MEGF6: variants seen among roughly 807,000 people sequenced by gnomAD.
MEGF6 encodes the protein multiple EGF like domains 6.
MEGF6 carries 184 observed loss-of-function variants against 207.1 expected under a neutral mutation model. The observed-to-expected ratio is 0.89, with a 90% CI of 0.79 to 1.00. The LOEUF (loss-of-function observed/expected upper bound fraction) is 1.00. Ranked by LOEUF, MEGF6 falls within the 50% of genes least tolerant of loss-of-function variation. The pLI is 0.00. For synonymous variants in MEGF6, 1,038 were observed against 910.0 expected, an observed-to-expected ratio of 1.14 and a Z score of -2.53; for missense variants, 2,282 against 2,202.9, an observed-to-expected ratio of 1.04 and a Z score of -0.72.
chr1:3,524,326 G>A, intron 4 of MEGF6, 80 bp from the exon 5 acceptor site: 3 of 1,558,868 alleles, frequency 1.9e-6, no homozygotes, highest in Non-Finnish European at 2.6e-6. Context: ...AGGTGCCGGG[G>A]GCCCAGACCC....
At chr1:3,587,254 C>G (rs911665496) in intron 3 of MEGF6, among the ~76,000 whole-genome samples, 6 of 152,252 alleles carry the variant, frequency 3.9e-5, no homozygotes, top group Admixed American at 6.5e-5. Flanking sequence ...GGGCCTTCAG[C>G]TGCTGGAAAG....
At chr1:3,574,706 A>G (rs1005217623) in intron 4 of MEGF6, among the ~76,000 whole-genome samples, 2 of 152,136 alleles carry the variant, frequency 1.3e-5, no homozygotes, top group Non-Finnish European at 2.9e-5. Context: ...CCAGTGGCGC[A>G]ATCTTGGCTC....
rs559305296 is a variant in MEGF6, at chr1:3,496,055, C to A, written c.3743-37G>T. The A allele has an allele frequency of 2.0e-6, 3 of 1,480,330 alleles. No individual in the cohort carries two copies. The South Asian group carries it at 4.1e-5, about 20-fold the overall frequency. The allele number at this position is 1,480,330 out of a possible 1,614,324, so 91.7% of individuals were successfully genotyped here. A position where few individuals can be genotyped will look rare whatever the true frequency, so the allele number is the denominator to read the frequency against. ...GAAGTGGTGATCGTGGCTGGCTTCC[C>A]TTCTCTCCCTGCCCGGTCAACCCCG... On this transcript the variant is annotated intron_variant, in intron 29 of 36. Transcript: ENST00000356575.
rs1035441281 is a variant in MEGF6 at position 3,496,081 on chromosome 1, G to C, written c.3743-63C>G. 5.5e-6 allele frequency: 8 copies of C among 1,460,016 alleles called. No individual in the cohort carries two copies. The Admixed American group carries it at 7.3e-5, about 13-fold the overall frequency. The allele number at this position is 1,460,016 out of a possible 1,614,324, so 90.4% of individuals were successfully genotyped here. A position where few individuals can be genotyped will look rare whatever the true frequency, so the allele number is the denominator to read the frequency against. ...TTCTCTCCCTGCCCGGTCAACCCCG[G>C]AGTGGGGATAGGACAGGATGGGATG... On this transcript the variant is annotated intron_variant, in intron 29 of 36. Coordinates refer to ENST00000356575, the MANE Select transcript of MEGF6 (RefSeq NM_001409.4).
intron 33 of MEGF6, 44 bp from the exon 34 acceptor site, chr1:3,493,943 C>G (rs1381227242): frequency 6.3e-7 from 1 of 1,581,276 alleles, no homozygotes; most frequent in Non-Finnish European, 8.6e-7. Context: ...TGTCCTGCAC[C>G]CAGACGGGAC....
At position 3,510,008 on chromosome 1, in the gene MEGF6, G is replaced by A; in HGVS notation, c.1235-16C>T. 6.3e-6 allele frequency: 10 copies of A among 1,578,566 alleles called. No homozygotes were observed. The highest frequency in any genetic ancestry group is 8.5e-6 in the Non-Finnish European group (10 of 1,170,152). On this transcript the variant is annotated splice_polypyrimidine_tract_variant and intron_variant, in intron 10 of 36. Transcript: ENST00000356575. Reference sequence around the variant, plus strand: ...TCATCCACATCTGCGGGCGACCCGGGACCACTGAGGCCTGTGCTCCCAGGT... The same window carrying A: ...TCATCCACATCTGCGGGCGACCCGGAACCACTGAGGCCTGTGCTCCCAGGT...
chr1:3,510,000 C>T lies in MEGF6; in HGVS notation c.1235-8G>A, dbSNP rs746386386. The T allele has an allele frequency of 5.7e-6, 9 of 1,580,408 alleles. 1 individual carries two copies. The highest frequency in any genetic ancestry group is 5.3e-5 in the Admixed American group (3 of 56,126). ...AGGCGCACTCATCCACATCTGCGGG[C>T]GACCCGGGACCACTGAGGCCTGTGC... On this transcript the variant is annotated splice_polypyrimidine_tract_variant and splice_region_variant and intron_variant, in intron 10 of 36. Coordinates refer to ENST00000356575, the MANE Select transcript of MEGF6 (RefSeq NM_001409.4).
rs1379662152 is a variant in MEGF6 at position 3,594,697 on chromosome 1, T to G, written c.376+641A>C. Among the ~76,000 whole-genome samples, 1 of 152,196 alleles carries G rather than the reference T, an allele frequency of 6.6e-6. No homozygotes were observed. Among genetic ancestry groups the G allele is most frequent in the Non-Finnish European group, 1.5e-5 (1 of 68,026 alleles). On this transcript the variant is annotated intron_variant, in intron 3 of 36. Coordinates refer to ENST00000356575, the MANE Select transcript of MEGF6 (RefSeq NM_001409.4). The surrounding 1 kb of genome is among the most constrained non-coding windows in gnomAD (Gnocchi z 4.2). ...AACATCTCTGTAGCTGTGAGCCCCA[T>G]TCCTTTTACAAAGCAGAGGCTTGAG...
At position 3,594,141 on chromosome 1, in the gene MEGF6, C is replaced by T. The variant is rs188469655; in HGVS notation, c.376+1197G>A. Among the ~76,000 whole-genome samples, 263 of 152,324 alleles carry T rather than the reference C, an allele frequency of 1.7e-3. 1 individual carries two copies. The highest frequency in any genetic ancestry group is 5.8e-3 in the African/African-American group (242 of 41,580). ...CTGTCCATTAAACCTCAACGTGGAG[C>T]GTGCTGGCGGGACATGGTGGCTCAC... On this transcript the variant is annotated intron_variant, in intron 3 of 36. Coordinates refer to ENST00000356575, the MANE Select transcript of MEGF6 (RefSeq NM_001409.4). The surrounding 1 kb of genome is among the most constrained non-coding windows in gnomAD (Gnocchi z 4.2).
intron 3 of MEGF6, among the ~76,000 whole-genome samples, chr1:3,591,239 G>A (rs1485610568): frequency 6.6e-6 from 1 of 152,226 alleles, no homozygotes; most frequent in Non-Finnish European, 1.5e-5. Context: ...CCCAGGGTGG[G>A]AAGGCAGAGC....
chr1:3,507,851 G>C lies in MEGF6; in HGVS notation c.1733C>G (p.Ser578Cys). 6.2e-7 allele frequency: 1 copy of C among 1,612,822 alleles called. No individual in the cohort carries two copies. The highest frequency in any genetic ancestry group is 8.5e-7 in the Non-Finnish European group (1 of 1,179,972). ...GGGGCAGCGGCAGGCCCCCGTGACA[G>C]AGTCGCAGGTCCCACCATTCTGACA... ...CSCQNGGTCD[S>C]VTGACRCPPG... Residue 578 changes from serine to cysteine, a missense_variant, in exon 14 of 37, where the codon TCT becomes TGT. Coordinates refer to ENST00000356575, the MANE Select transcript of MEGF6 (RefSeq NM_001409.4).
Position 3,507,860 on chromosome 1 carries a change from G to A in MEGF6, c.1724C>T (p.Thr575Ile), listed in dbSNP as rs773108171. The A allele has an allele frequency of 6.2e-7, 1 of 1,612,694 alleles. No homozygotes were observed. Among genetic ancestry groups the A allele is most frequent in the African/African-American group, 1.3e-5 (1 of 74,920 alleles). ...GCAGGCCCCCGTGACAGAGTCGCAGGTCCCACCATTCTGACAGCTGCAGGA... is the reference window on the plus strand; with the variant it reads ...GCAGGCCCCCGTGACAGAGTCGCAGATCCCACCATTCTGACAGCTGCAGGA... ...SFSCSCQNGG[T>I]CDSVTGACRC... is the part of the protein sequence containing the mutation. The change falls in exon 14 of 37, where the codon ACC becomes ATC. Residue 575 changes from threonine (T) to isoleucine (I), a missense_variant. Coordinates refer to ENST00000356575, the MANE Select transcript of MEGF6 (RefSeq NM_001409.4).
intron 4 of MEGF6, among the ~76,000 whole-genome samples, chr1:3,567,137 C>T (rs1326742304): frequency 1.3e-5 from 2 of 152,260 alleles, no homozygotes; most frequent in Non-Finnish European, 2.9e-5. Context: ...AGATGGGCAA[C>T]GCCTCACCTA....
At chr1:3,574,407 A>C (rs1643586405) in intron 4 of MEGF6, among the ~76,000 whole-genome samples, 1 of 151,870 alleles carries the variant, frequency 6.6e-6, no homozygotes, top group African/African-American at 2.4e-5. Context: ...TGCACCTCCC[A>C]AACCTTCCCC....
intron 7 of MEGF6, among the ~76,000 whole-genome samples, chr1:3,513,366 C>G (rs538833398): frequency 1.3e-5 from 2 of 149,968 alleles, no homozygotes; most frequent in African/African-American, 4.9e-5. Context: ...CTCGGCATCC[C>G]GAGTAGCTGG....
upstream of MEGF6, among the ~76,000 whole-genome samples, chr1:3,615,650 T>C (rs183692863): frequency 1.4e-4 from 22 of 152,332 alleles, no homozygotes; most frequent in Middle Eastern, 3.4e-3. Context: ...AGACCCCAAA[T>C]GTAGATGCCC....
the MEGF6 span, among the ~76,000 whole-genome samples, chr1:3,621,115 G>C: frequency 6.6e-6 from 1 of 152,214 alleles, no homozygotes; most frequent in Admixed American, 6.5e-5. Flanking sequence ...CAGGGAGACA[G>C]GCCTCCAGAT....
At chr1:3,559,862 T>G (rs987866760) in intron 4 of MEGF6, among the ~76,000 whole-genome samples, 3 of 151,900 alleles carry the variant, frequency 2.0e-5, no homozygotes, top group East Asian at 1.9e-4. Context: ...ATACAAAAAA[T>G]TAGCTGGGCA....
In MEGF6 at chr1:3,498,352, G is replaced by A. The variant is rs562108211; in HGVS notation, c.3352+19C>T. Reference sequence around the variant, plus strand: ...CCCAGCAGGGCCTGCAGACCCCCCTGCTGCCCCGCCCCACTCACGGCTCTG... The same window carrying A: ...CCCAGCAGGGCCTGCAGACCCCCCTACTGCCCCGCCCCACTCACGGCTCTG... On this transcript the variant is annotated intron_variant, in intron 26 of 36. Coordinates refer to ENST00000356575, the MANE Select transcript of MEGF6 (RefSeq NM_001409.4). The A allele has an allele frequency of 6.9e-6, 11 of 1,591,410 alleles. No individual in the cohort carries two copies. Among genetic ancestry groups the A allele is most frequent in the Admixed American group, 6.8e-5 (4 of 58,554 alleles).
Sources: allele counts gnomAD v4.1 joint callset (sites outside exome capture counted in the v4.1 genomes callset), GRCh38; gene constraint gnomAD v4.1.1; non-coding constraint Gnocchi (gnomAD v3.1); transcripts MANE v1.5; gene names NCBI Gene and HGNC (gene_info 2026-07-23, HGNC 2026-07-21).